NR5A2: variants seen among roughly 807,000 people sequenced by gnomAD.
The protein encoded by NR5A2 is nuclear receptor subfamily 5 group A member 2.
NR5A2 carries 26 observed loss-of-function variants against 62.7 expected under a neutral mutation model. The ratio of observed to expected loss-of-function variants is 0.41; its 90% CI spans 0.30 to 0.58. NR5A2 has a LOEUF of 0.58. Ranked by LOEUF, NR5A2 falls within the 20% of genes least tolerant of loss-of-function variation. The pLI is 0.22. For synonymous variants in NR5A2, 246 were observed against 241.7 expected, an observed-to-expected ratio of 1.02 and a Z score of -0.16; for missense variants, 541 against 669.1, an observed-to-expected ratio of 0.81 and a Z score of 2.11.
chr1:200,045,087 G>A (rs1441554009), intron 3 of NR5A2, among the ~76,000 whole-genome samples: 1 of 151,940 alleles, frequency 6.6e-6, no homozygotes, highest in East Asian at 1.9e-4. Context: ...ACAATGCCAG[G>A]ACTTCATGAG....
chr1:200,139,878 A>G (rs759336245), intron 7 of NR5A2, among the ~76,000 whole-genome samples: 2 of 152,220 alleles, frequency 1.3e-5, no homozygotes, highest in Non-Finnish European at 2.9e-5. Flanking sequence ...ATGCATCCCT[A>G]AGAGTTGTGT....
intron 7 of NR5A2, among the ~76,000 whole-genome samples, chr1:200,172,938 G>A (rs1237766752): frequency 6.6e-6 from 1 of 152,174 alleles, no homozygotes; most frequent in Non-Finnish European, 1.5e-5. Context: ...ATGGGTGTAT[G>A]TAAACACACA....
intron 7 of NR5A2, among the ~76,000 whole-genome samples, chr1:200,128,198 G>A (rs1370886366): frequency 6.6e-6 from 1 of 152,072 alleles, no homozygotes; most frequent in African/African-American, 2.4e-5. Flanking sequence ...ACAAAACATT[G>A]GTCCTCCATA....
At chr1:200,084,862 G>A (rs893404193) in intron 5 of NR5A2, among the ~76,000 whole-genome samples, 15 of 152,268 alleles carry the variant, frequency 9.9e-5, no homozygotes, top group African/African-American at 2.6e-4. Flanking sequence ...TTTATCAAAG[G>A]AGGATCAGGT....
chr1:200,170,269 G>A lies in NR5A2; in HGVS notation c.1379-3694G>A, dbSNP rs553244144. Among the ~76,000 whole-genome samples the A allele has an allele frequency of 2.2e-3, 330 of 152,228 alleles. 1 individual carries two copies. Among genetic ancestry groups the A allele is most frequent in the African/African-American group, 7.7e-3 (321 of 41,552 alleles). On this transcript the variant is annotated intron_variant, in intron 7 of 7. Coordinates refer to ENST00000367362, the MANE Select transcript of NR5A2 (RefSeq NM_205860.3). ...TTCCAGAGAAAATGGAAATCAGGAC[G>A]ATTTCAGTGTTTACATTTGGGCCAT...
At chr1:200,036,832 C>G (rs1044545849) in intron 1 of NR5A2, among the ~76,000 whole-genome samples, 1 of 152,166 alleles carries the variant, frequency 6.6e-6, no homozygotes. Context: ...AGTCCCCCTC[C>G]ATTTCGCTGC....
intron 6 of NR5A2, among the ~76,000 whole-genome samples, chr1:200,113,126 G>A (rs969767275): frequency 4.6e-5 from 7 of 152,224 alleles, no homozygotes; most frequent in African/African-American, 1.7e-4. Flanking sequence ...AATTACTGGT[G>A]CTTTGTGTTT....
At chr1:200,067,557 AAAG>A (rs1398527778) in intron 5 of NR5A2, among the ~76,000 whole-genome samples, 20 of 152,280 alleles carry the variant, frequency 1.3e-4, no homozygotes, top group African/African-American at 3.8e-4. Flanking sequence ...ACTCTGTCTC[AAAG>A]AAGAAGTGGG....
intron 5 of NR5A2, among the ~76,000 whole-genome samples, chr1:200,078,976 A>G (rs1664166730): frequency 6.6e-6 from 1 of 152,150 alleles, no homozygotes; most frequent in African/African-American, 2.4e-5. Flanking sequence ...ATTAAAGTTG[A>G]ATTAGATGGA....
chr1:200,040,199 G>A (rs1279124844), intron 2 of NR5A2, among the ~76,000 whole-genome samples: 2 of 152,072 alleles, frequency 1.3e-5, no homozygotes, highest in African/African-American at 4.8e-5. Context: ...TGTGTGGAGG[G>A]AGGCGACCCA....
chr1:200,033,363 A>T (rs1461959550), intron 1 of NR5A2, among the ~76,000 whole-genome samples: 1 of 152,160 alleles, frequency 6.6e-6, no homozygotes, highest in Non-Finnish European at 1.5e-5. Flanking sequence ...CTGTTGTACC[A>T]TGAGAGGAGG....
intron 5 of NR5A2, among the ~76,000 whole-genome samples, chr1:200,082,353 G>A (rs184681599): frequency 2.4e-4 from 37 of 152,196 alleles, no homozygotes; most frequent in African/African-American, 8.9e-4. Context: ...GTTCCTTGAA[G>A]AACAAAAAAT....
chr1:200,092,157 A>T (rs1442091100), intron 5 of NR5A2, among the ~76,000 whole-genome samples: 1 of 152,192 alleles, frequency 6.6e-6, no homozygotes, highest in Non-Finnish European at 1.5e-5. Flanking sequence ...CACATATTCA[A>T]CACCTTTAGT....
At position 200,174,115 on chromosome 1, in the gene NR5A2, A is replaced by G. The variant is rs777167598; in HGVS notation, c.1531A>G (p.Met511Val). The G allele has an allele frequency of 8.7e-6, 14 of 1,613,926 alleles. No individual in the cohort carries two copies. The highest frequency in any genetic ancestry group is 1.2e-5 in the Non-Finnish European group (14 of 1,180,002). ...LRLPEIRAIS[M>V]QAEEYLYYKH... Reference sequence around the variant, plus strand: ...ACTACCCGAAATCCGGGCCATCAGTATGCAGGCTGAAGAATACCTCTACTA... The same window carrying G: ...ACTACCCGAAATCCGGGCCATCAGTGTGCAGGCTGAAGAATACCTCTACTA... Residue 511 changes from methionine (M) to valine (V), a missense_variant, in exon 8 of 8, where the codon ATG (methionine) becomes GTG (valine). Transcript: ENST00000367362.
At chr1:200,099,341 G>A (rs990057984) in intron 5 of NR5A2, among the ~76,000 whole-genome samples, 5 of 44,860 alleles carry the variant, frequency 1.1e-4, no homozygotes, top group African/African-American at 4.8e-4. Flanking sequence ...GCCTCTATAA[G>A]CCTTTTTTTT....
intron 7 of NR5A2, among the ~76,000 whole-genome samples, chr1:200,150,270 T>C (rs138637959): frequency 4.3e-4 from 65 of 152,356 alleles, no homozygotes; most frequent in Middle Eastern, 3.4e-3. Flanking sequence ...GGAGGAAATA[T>C]GAAATTGTAC....
chr1:200,089,670 A>T (rs184856401), intron 5 of NR5A2, among the ~76,000 whole-genome samples: 1 of 151,476 alleles, frequency 6.6e-6, no homozygotes, highest in South Asian at 2.1e-4. Context: ...GGGTTTTGCC[A>T]TGTTGCCCAG....
intron 5 of NR5A2, among the ~76,000 whole-genome samples, chr1:200,094,727 T>C (rs972606223): frequency 1.3e-5 from 2 of 151,602 alleles, no homozygotes; most frequent in African/African-American, 4.9e-5. Context: ...AGAGACGGGG[T>C]TTCGCTGTGC....
intron 5 of NR5A2, among the ~76,000 whole-genome samples, chr1:200,079,669 C>T (rs1415841176): frequency 6.6e-6 from 1 of 152,188 alleles, no homozygotes; most frequent in Non-Finnish European, 1.5e-5. Flanking sequence ...TTTCCTTGGG[C>T]CTGCTCCCAT....
Sources: gnomAD v4.1 joint callset for allele counts (sites outside exome capture counted in the v4.1 genomes callset) on GRCh38, gnomAD v4.1.1 for gene constraint, MANE v1.5 for transcripts, NCBI Gene and HGNC (gene_info 2026-07-23, HGNC 2026-07-21) for gene names.